Variants in LTBP1 observed in about 807,000 individuals in gnomAD.
LTBP1 encodes latent-transforming growth factor beta-binding protein 1.
In LTBP1, 129 loss-of-function variants were observed where a neutral mutation model predicts 207.6. The observed-to-expected ratio is 0.62, with a 90% CI of 0.54 to 0.72. LTBP1 has a LOEUF of 0.72. LTBP1 is among the 30% of genes least tolerant of loss of function. LTBP1 has a pLI of 0.00. For synonymous variants in LTBP1, 963 were observed against 833.7 expected (o/e 1.16, Z -2.67); for missense variants, 2,281 against 2,217.2 (o/e 1.03, Z -0.58).
At chr2:33,328,167 A>AAATAAATAAATG (rs1440134398) in intron 24 of LTBP1, among the ~76,000 whole-genome samples, 3 of 144,940 alleles carry the variant, frequency 2.1e-5, no homozygotes, top group African/African-American at 7.9e-5. Flanking sequence ...ATAAATAAAT[A>AAATAAATAAATG]AAATAAAAAT....
At chr2:33,303,061 G>A (rs1452925362) in intron 22 of LTBP1, among the ~76,000 whole-genome samples, 2 of 152,118 alleles carry the variant, frequency 1.3e-5, no homozygotes, top group East Asian at 3.9e-4. Flanking sequence ...ATAGGACTAT[G>A]TATGAAAAAG....
intron 26 of LTBP1, among the ~76,000 whole-genome samples, chr2:33,354,586 G>A (rs2094829595): frequency 6.6e-6 from 1 of 151,702 alleles, no homozygotes; most frequent in East Asian, 1.9e-4. Flanking sequence ...TTTTCTGCTT[G>A]CTATAGATAG....
chr2:33,000,597 A>T (rs1427308604), intron 2 of LTBP1, among the ~76,000 whole-genome samples: 1 of 135,412 alleles, frequency 7.4e-6, no homozygotes, highest in African/African-American at 2.6e-5. Context: ...GACTGTGTGT[A>T]AGGCGGTCTC....
chr2:33,323,320 A>G (rs1477979598), intron 24 of LTBP1, among the ~76,000 whole-genome samples: 1 of 152,182 alleles, frequency 6.6e-6, no homozygotes, highest in Non-Finnish European at 1.5e-5. Context: ...TACTGAATGC[A>G]TATTGCTCCT....
rs2087285822 is a variant in LTBP1 at position 33,187,075 on chromosome 2, T to A, written c.1421T>A (p.Val474Asp). The A allele has an allele frequency of 6.2e-7, 1 of 1,613,120 alleles. No homozygotes were observed. The highest frequency in any genetic ancestry group is 1.3e-5 in the African/African-American group (1 of 74,854). The change falls in exon 6 of 34, where the codon GTC (valine) becomes GAC (aspartate). Residue 474 changes from valine (V) to aspartate (D), a missense_variant. Transcript: ENST00000404816. ...CTGACCGTGACTAGCCAGCAAGGAG[T>A]CAAAGGTAAGCTTTTTTCATTCCGC... ...LPLTVTSQQG[V>D]KVKFPPNIVN...
At chr2:33,111,172 C>T (rs562966260) in intron 4 of LTBP1, among the ~76,000 whole-genome samples, 96 of 152,302 alleles carry the variant, frequency 6.3e-4, no homozygotes, top group Non-Finnish European at 1.2e-3. Flanking sequence ...GATATTTTTA[C>T]ATTATAAGAC....
intron 3 of LTBP1, among the ~76,000 whole-genome samples, chr2:33,086,969 T>C (rs2078791890): frequency 6.6e-6 from 1 of 152,044 alleles, no homozygotes; most frequent in Non-Finnish European, 1.5e-5. Flanking sequence ...AAATACAGAT[T>C]CACCCAGTGT....
chr2:33,259,743 G>A (rs777212422), intron 13 of LTBP1, 133 bp downstream of exon 13: 19 of 731,036 alleles, frequency 2.6e-5, no homozygotes, highest in East Asian at 1.2e-4. Flanking sequence ...AGTTAATATA[G>A]CATTCAGTTA....
At chr2:33,334,011 A>G (rs556094397) in intron 24 of LTBP1, among the ~76,000 whole-genome samples, 2 of 152,350 alleles carry the variant, frequency 1.3e-5, no homozygotes, top group Non-Finnish European at 2.9e-5. Flanking sequence ...GAGTTCTTCA[A>G]GGAGAGAGTG....
chr2:33,166,952 C>A (rs1000098042), intron 5 of LTBP1, among the ~76,000 whole-genome samples: 13 of 152,108 alleles, frequency 8.5e-5, no homozygotes, highest in Admixed American at 8.5e-4. Context: ...TTAACCAACA[C>A]CCTCTACTCC....
intron 7 of LTBP1, among the ~76,000 whole-genome samples, chr2:33,205,112 G>A (rs577962917): frequency 6.6e-6 from 1 of 152,316 alleles, no homozygotes; most frequent in South Asian, 2.1e-4. Context: ...CATATGGACA[G>A]ATCAATGTCA....
chr2:33,287,383 T>C (rs952677218), intron 19 of LTBP1, among the ~76,000 whole-genome samples: 5 of 152,214 alleles, frequency 3.3e-5, no homozygotes, highest in African/African-American at 9.7e-5. Context: ...CAATGTCTCA[T>C]GTACCCTTCG....
chr2:33,385,744 C>T lies in LTBP1; in HGVS notation c.4712-3440C>T, dbSNP rs948279610. On this transcript the variant is annotated intron_variant, in intron 31 of 33. Coordinates refer to ENST00000404816, the MANE Select transcript of LTBP1 (RefSeq NM_206943.4). ...GGGCAGATGTGCATGATGGGAAGGGCGGCGTGGATGGATTAGGACAGACCT... is the reference window on the plus strand; with the variant it reads ...GGGCAGATGTGCATGATGGGAAGGGTGGCGTGGATGGATTAGGACAGACCT... Among the ~76,000 whole-genome samples, 9 of 152,228 alleles carry T rather than the reference C, an allele frequency of 5.9e-5. No homozygotes were observed. In the East Asian group the frequency reaches 7.7e-4, roughly 13 times the overall value.
At chr2:33,370,778 G>A (rs2095058728) in intron 31 of LTBP1, among the ~76,000 whole-genome samples, 1 of 152,160 alleles carries the variant, frequency 6.6e-6, no homozygotes, top group African/African-American at 2.4e-5. Flanking sequence ...ATTTTCCTTA[G>A]GAGTGCAGTA....
intron 7 of LTBP1, among the ~76,000 whole-genome samples, chr2:33,210,596 C>G (rs988444655): frequency 2.0e-5 from 3 of 152,042 alleles, no homozygotes; most frequent in African/African-American, 7.2e-5. Flanking sequence ...GCTTCTTTTC[C>G]CCTGTTTCCT....
intron 5 of LTBP1, among the ~76,000 whole-genome samples, chr2:33,182,812 C>G (rs914066866): frequency 2.0e-5 from 3 of 149,846 alleles, no homozygotes; most frequent in African/African-American, 7.4e-5. Flanking sequence ...GGAGCCCTCA[C>G]TTTGCATCTT....
chr2:33,289,325 T>C (rs2093728855), intron 19 of LTBP1, among the ~76,000 whole-genome samples: 1 of 152,214 alleles, frequency 6.6e-6, no homozygotes, highest in Non-Finnish European at 1.5e-5. Flanking sequence ...CAAAAGCCCA[T>C]TGGTAAATTG....
At chr2:33,057,924 G>T (rs1373587846) in intron 3 of LTBP1, among the ~76,000 whole-genome samples, 1 of 152,268 alleles carries the variant, frequency 6.6e-6, no homozygotes, top group Non-Finnish European at 1.5e-5. Flanking sequence ...CAGAATGGGC[G>T]CCAAGGCCGA....
chr2:33,301,655 C>T lies in LTBP1; in HGVS notation c.3481+11C>T, dbSNP rs2093990918. On this transcript the variant is annotated intron_variant, in intron 22 of 33. Coordinates refer to ENST00000404816, the MANE Select transcript of LTBP1 (RefSeq NM_206943.4). ...GAGACCACTGTGAAGGTAAGAATTG[C>T]TCCTGATTTCAGAATCATAAAATGC... 1 of 1,569,866 alleles carries T rather than the reference C, an allele frequency of 6.4e-7. No individual in the cohort carries two copies. The highest frequency in any genetic ancestry group is 8.6e-7 in the Non-Finnish European group (1 of 1,160,822).
Sources: allele counts gnomAD v4.1 joint callset (sites outside exome capture counted in the v4.1 genomes callset), GRCh38; gene constraint gnomAD v4.1.1; transcripts MANE v1.5; gene names NCBI Gene and HGNC (gene_info 2026-07-23, HGNC 2026-07-21).